Variants in PTPRN2 observed in about 807,000 individuals in gnomAD.
PTPRN2 encodes the protein protein tyrosine phosphatase receptor type N2.
Under a neutral mutation model 118.8 loss-of-function variants are expected in PTPRN2, and 74 were observed. The observed-to-expected ratio is 0.62, with a 90% confidence interval of 0.52 to 0.76. The LOEUF is 0.76. Among genes scored for constraint, PTPRN2 ranks in the 30% least tolerant of loss-of-function variants. The pLI, the probability that PTPRN2 is intolerant of heterozygous loss-of-function variation, is 0.00. For synonymous variants in PTPRN2, 641 were observed against 608.0 expected (o/e 1.05, Z -0.80); for missense variants, 1,481 against 1,394.4 (o/e 1.06, Z -0.99).
At chr7:158,454,820 T>C (rs1286020760) in intron 2 of PTPRN2, among the ~76,000 whole-genome samples, 2 of 152,186 alleles carry the variant, frequency 1.3e-5, no homozygotes, top group East Asian at 3.9e-4. Context: ...GCCACTCTGT[T>C]GACCTCGAAC....
chr7:158,040,311 TCA>T (rs1292081474), intron 11 of PTPRN2, among the ~76,000 whole-genome samples: 2 of 150,438 alleles, frequency 1.3e-5, no homozygotes, highest in African/African-American at 4.9e-5. Flanking sequence ...AAATTCACAC[TCA>T]CACACACAGA....
chr7:158,379,018 G>A (rs551871910), intron 2 of PTPRN2, among the ~76,000 whole-genome samples: 1 of 151,880 alleles, frequency 6.6e-6, no homozygotes, highest in Non-Finnish European at 1.5e-5. Flanking sequence ...GAGCTGTGGA[G>A]GGGAAGAGCT....
rs200061900 is a variant in PTPRN2, at chr7:158,316,825, C to G, written c.271G>C (p.Gly91Arg). The change falls in exon 3 of 23, where the codon GGC (glycine) becomes CGC (arginine). Residue 91 changes from glycine to arginine, a missense_variant. Physicochemically the swap from Gly to Arg is moderately radical, Grantham distance 125 (BLOSUM62 -2). Transcript: ENST00000389418. ...RLRVALQKLS[G>R]TGFTWQDDYT... is the part of the protein sequence containing the mutation. ...CGGCCCACGCCCGCCCTACCTGTGC[C>G]GGAAAGCTTCTGCAACGCCACGCGC... is the stretch of plus-strand genomic sequence containing the variant. 4 of 1,601,502 alleles carry G rather than the reference C, an allele frequency of 2.5e-6. No homozygotes were observed. Among genetic ancestry groups the G allele is most frequent in the African/African-American group, 1.3e-5 (1 of 74,842 alleles).
chr7:158,281,110 C>T (rs1799395215), intron 3 of PTPRN2, among the ~76,000 whole-genome samples: 1 of 152,188 alleles, frequency 6.6e-6, no homozygotes, highest in Admixed American at 6.5e-5. Flanking sequence ...TCAAGACCAG[C>T]CTGATCAACA....
intron 12 of PTPRN2, among the ~76,000 whole-genome samples, chr7:157,774,793 A>C (rs73521447): frequency 0.055 from 8,321 of 152,216 alleles, 256 homozygotes; most frequent in African/African-American, 0.086. Flanking sequence ...AGATGAGGGG[A>C]CCAGTCCGAG....
At chr7:157,751,239 A>G (rs1801446313) in intron 12 of PTPRN2, among the ~76,000 whole-genome samples, 1 of 152,194 alleles carries the variant, frequency 6.6e-6, no homozygotes, top group Non-Finnish European at 1.5e-5. Flanking sequence ...GGGGGGCACA[A>G]GGCAATATCC....
At chr7:158,151,096 G>GA (rs1563520714) in intron 6 of PTPRN2, among the ~76,000 whole-genome samples, 2 of 15,310 alleles carry the variant, frequency 1.3e-4, no homozygotes, top group East Asian at 6.8e-3. Context: ...TGCCCAAACC[G>GA]CCCGCCTTTC....
intron 1 of PTPRN2, among the ~76,000 whole-genome samples, chr7:158,534,162 A>G (rs11765683): frequency 0.78 from 20,267 of 26,024 alleles, 8,619 homozygotes; most frequent in African/African-American, 0.88. Context: ...GACCACCCAC[A>G]CCCCGGGCTC....
In PTPRN2 at chr7:157,550,005, G is replaced by A. The variant is rs1798514657; in HGVS notation, c.2903-986C>T. ...TCCAAGCCACAGACAGGAAGAAGCC[G>A]CAGCCATTGGAACCCCAACTACCGT... On this transcript the variant is annotated intron_variant, in intron 21 of 22. Coordinates refer to ENST00000389418, the MANE Select transcript of PTPRN2 (RefSeq NM_002847.5). This position sits in a 1 kb window ranked among gnomAD's most constrained non-coding sequence, Gnocchi z 5.2. Among the ~76,000 whole-genome samples, 1 of 152,314 alleles carries A rather than the reference G, an allele frequency of 6.6e-6. No homozygotes were observed. The highest frequency in any genetic ancestry group is 1.5e-5 in the Non-Finnish European group (1 of 68,022).
At chr7:158,221,910 G>T (rs1398039656) in intron 3 of PTPRN2, among the ~76,000 whole-genome samples, 3 of 152,130 alleles carry the variant, frequency 2.0e-5, no homozygotes, top group Non-Finnish European at 2.9e-5. Flanking sequence ...TAAAAAATGG[G>T]TAGGAGACAT....
rs142317673 is a variant in PTPRN2 at position 158,515,255 on chromosome 7, C to T, written c.113-25470G>A. ...AGGCTGGAGTGCAATGGCATGTTCT[C>T]TGCTCACCGCAACCTCTGCCTCCTG... On this transcript the variant is annotated intron_variant, in intron 1 of 22. Transcript: ENST00000389418. 8.5e-3 allele frequency among the ~76,000 whole-genome samples: 1,279 copies of T among 150,840 alleles called. 22 individuals are homozygous for T. Among genetic ancestry groups the T allele is most frequent in the African/African-American group, 0.03 (1,219 of 41,024 alleles).
intron 1 of PTPRN2, among the ~76,000 whole-genome samples, chr7:158,501,594 G>A (rs577972401): frequency 2.9e-4 from 44 of 152,278 alleles, no homozygotes; most frequent in African/African-American, 9.1e-4. Flanking sequence ...AGTCGCAGGG[G>A]GGGACCTCCT....
chr7:158,277,599 G>T (rs1307278223), intron 3 of PTPRN2, among the ~76,000 whole-genome samples: 1 of 152,210 alleles, frequency 6.6e-6, no homozygotes, highest in African/African-American at 2.4e-5. Flanking sequence ...CCCCTTGAAG[G>T]CACTGTCAGG....
At chr7:158,096,609 G>T (rs1402484854) in intron 10 of PTPRN2, among the ~76,000 whole-genome samples, 2 of 152,216 alleles carry the variant, frequency 1.3e-5, no homozygotes, top group African/African-American at 4.8e-5. Context: ...CTTATTTCCA[G>T]GAAAACCTCA....
At chr7:157,832,639 G>A (rs1035547209) in intron 12 of PTPRN2, among the ~76,000 whole-genome samples, 1 of 152,238 alleles carries the variant, frequency 6.6e-6, no homozygotes, top group African/African-American at 2.4e-5. Context: ...AGCTGCACGT[G>A]TGGGGGAGGT....
chr7:158,521,556 C>T lies in PTPRN2; in HGVS notation c.113-31771G>A, dbSNP rs529061263. ...GGAAGGTCCGCATCGGAATGGTGGA[C>T]TGTCCAGGTACTGGCTCAGGGGGGA... On this transcript the variant is annotated intron_variant, in intron 1 of 22. Coordinates refer to ENST00000389418, the MANE Select transcript of PTPRN2 (RefSeq NM_002847.5). 2.7e-5 allele frequency among the ~76,000 whole-genome samples: 4 copies of T among 150,372 alleles called. 2 individuals carry two copies. The East Asian group carries it at 7.7e-4, about 29-fold the overall frequency.
intron 12 of PTPRN2, among the ~76,000 whole-genome samples, chr7:157,888,717 C>T (rs1044962074): frequency 1.3e-5 from 2 of 152,334 alleles, no homozygotes; most frequent in African/African-American, 4.8e-5. Flanking sequence ...GTGAGCGTTT[C>T]CCACAGCAAC....
At chr7:158,066,526 C>T (rs1243719438) in intron 11 of PTPRN2, among the ~76,000 whole-genome samples, 1 of 152,196 alleles carries the variant, frequency 6.6e-6, no homozygotes, top group Non-Finnish European at 1.5e-5. Flanking sequence ...ACAGCCTTTT[C>T]AGCTGGTGTC....
chr7:158,358,209 G>A (rs563927111), intron 2 of PTPRN2, among the ~76,000 whole-genome samples: 6 of 152,270 alleles, frequency 3.9e-5, no homozygotes, highest in African/African-American at 7.2e-5. Flanking sequence ...GACCTGAGAC[G>A]CCCTACGCCC....
Sources: gnomAD v4.1 joint callset for allele counts (sites outside exome capture counted in the v4.1 genomes callset) on GRCh38, gnomAD v4.1.1 for gene constraint, Gnocchi (gnomAD v3.1) non-coding constraint, MANE v1.5 for transcripts, NCBI Gene and HGNC (gene_info 2026-07-23, HGNC 2026-07-21) for gene names.